PMFBP1: variants seen among roughly 807,000 people sequenced by gnomAD.
The protein encoded by PMFBP1 is polyamine modulated factor 1 binding protein 1.
In PMFBP1, 131 loss-of-function variants were observed where a neutral mutation model predicts 137.8. The ratio of observed to expected loss-of-function variants is 0.95; its 90% CI spans 0.82 to 1.10. The LOEUF is 1.10. Ranked by LOEUF, PMFBP1 falls within the 50% of genes least tolerant of loss-of-function variation. The pLI is 0.00. For synonymous variants in PMFBP1, 490 were observed against 450.4 expected (o/e 1.09, Z -1.11); for missense variants, 1,199 against 1,175.4 (o/e 1.02, Z -0.29).
At chr16:72,215,663 G>A in the PMFBP1 span, among the ~76,000 whole-genome samples, 4 of 152,186 alleles carry the variant, frequency 2.6e-5, no homozygotes, top group Non-Finnish European at 4.4e-5. Flanking sequence ...GAGGACACAG[G>A]AGGCAACAGT....
chr16:72,172,623 T>C (rs1351704544), upstream of PMFBP1, among the ~76,000 whole-genome samples: 1 of 151,822 alleles, frequency 6.6e-6, no homozygotes, highest in Non-Finnish European at 1.5e-5. Context: ...TATAGGCATA[T>C]GTCAGAGAGA....
At chr16:72,237,780 G>A in the PMFBP1 span, among the ~76,000 whole-genome samples, 18 of 152,048 alleles carry the variant, frequency 1.2e-4, no homozygotes, top group African/African-American at 4.1e-4. Context: ...TATTTTTCCT[G>A]ATCCTCTCCC....
chr16:72,225,154 T>C, the PMFBP1 span: 3 of 152,170 alleles, frequency 2.0e-5, no homozygotes, highest in Non-Finnish European at 4.4e-5. Context: ...TACATCAGCA[T>C]TCCTCAAAGA....
chr16:72,175,273 C>T (rs765139804), upstream of PMFBP1, among the ~76,000 whole-genome samples: 2 of 152,352 alleles, frequency 1.3e-5, no homozygotes, highest in Middle Eastern at 3.4e-3. Context: ...TTACCCTATT[C>T]CTCCTCTTTC....
At chr16:72,230,832 G>C in the PMFBP1 span, among the ~76,000 whole-genome samples, 15 of 152,130 alleles carry the variant, frequency 9.9e-5, no homozygotes, top group Non-Finnish European at 2.9e-5. Context: ...TGGTCTCCCT[G>C]ATTCTGGTCT....
At chr16:72,118,116 T>C (rs912518495), downstream of PMFBP1, among the ~76,000 whole-genome samples, 1 of 152,210 alleles carries the variant, frequency 6.6e-6, no homozygotes, top group Non-Finnish European at 1.5e-5. Flanking sequence ...TTTTGGTAAA[T>C]TATAGAGATA....
intron 7 of PMFBP1, among the ~76,000 whole-genome samples, chr16:72,137,657 C>G (rs2042653204): frequency 6.6e-6 from 1 of 152,100 alleles, no homozygotes; most frequent in Admixed American, 6.6e-5. Flanking sequence ...AGGTGAGGAG[C>G]TGGGTGGTCA....
chr16:72,132,601 G>C, intron 10 of PMFBP1, 147 bp downstream of exon 10: 1 of 1,296,500 alleles, frequency 7.7e-7, no homozygotes, highest in Non-Finnish European at 1.1e-6. Context: ...CTGCTGTGAG[G>C]TATAGGATGA....
chr16:72,240,160 G>A, the PMFBP1 span, among the ~76,000 whole-genome samples: 1 of 152,148 alleles, frequency 6.6e-6, no homozygotes, highest in Non-Finnish European at 1.5e-5. Flanking sequence ...GGTCATATCA[G>A]GTAGACTGTG....
chr16:72,118,153 G>T (rs1043166812), downstream of PMFBP1, among the ~76,000 whole-genome samples: 1 of 152,164 alleles, frequency 6.6e-6, no homozygotes, highest in Non-Finnish European at 1.5e-5. Flanking sequence ...GACTAGGCTG[G>T]GGATTTTAAT....
At chr16:72,155,024 C>CGT (rs148295486) in intron 3 of PMFBP1, among the ~76,000 whole-genome samples, 43 of 151,318 alleles carry the variant, frequency 2.8e-4, no homozygotes, top group East Asian at 1.4e-3. Flanking sequence ...ACTCTGTGTG[C>CGT]GTGTGTGTGT....
intron 19 of PMFBP1, among the ~76,000 whole-genome samples, chr16:72,121,109 G>C (rs1188737497): frequency 1.3e-5 from 2 of 152,210 alleles, no homozygotes; most frequent in Non-Finnish European, 2.9e-5. Flanking sequence ...CTGTTACCTT[G>C]AGAATCTGAC....
the PMFBP1 span, among the ~76,000 whole-genome samples, chr16:72,237,037 G>C: frequency 6.6e-6 from 1 of 152,128 alleles, no homozygotes; most frequent in Non-Finnish European, 1.5e-5. Context: ...GACTCCTCTT[G>C]ATCCAGATTT....
chr16:72,208,885 T>C, the PMFBP1 span, among the ~76,000 whole-genome samples: 2 of 152,370 alleles, frequency 1.3e-5, no homozygotes, highest in South Asian at 4.1e-4. Flanking sequence ...CAGTGACATG[T>C]CCTTGCATTG....
At chr16:72,232,630 TA>T in the PMFBP1 span, among the ~76,000 whole-genome samples, 3 of 152,104 alleles carry the variant, frequency 2.0e-5, no homozygotes, top group Admixed American at 6.6e-5. Context: ...AATGGTGAAA[TA>T]ATGGTTAGTA....
upstream of PMFBP1, chr16:72,173,853 TC>T (rs2043242397): frequency 6.6e-6 from 1 of 152,236 alleles, no homozygotes; most frequent in Non-Finnish European, 1.5e-5. Flanking sequence ...CTCTACCAGA[TC>T]CCCGGCTACT....
intron 2 of PMFBP1, among the ~76,000 whole-genome samples, chr16:72,167,188 T>C (rs149685391): frequency 2.6e-5 from 4 of 152,210 alleles, no homozygotes; most frequent in African/African-American, 9.6e-5. Flanking sequence ...AGGACAACGG[T>C]GAGAATTGGA....
rs1361937412 is a variant in PMFBP1 at position 72,140,556 on chromosome 16, T to G, written c.663A>C (p.Ser221=). The part of the protein sequence containing the change: ...GQEPENKGDH[S]KVRIYTSPCM... ...AAGGAGAAGTGTATATCCGTACCTT[T>G]GAATGATCACCCTTGTTCTCAGGCT... is the stretch of plus-strand genomic sequence containing the variant. The change falls in exon 6 of 21, where the codon TCA becomes TCC. Residue 221 remains serine (S), a synonymous_variant. Transcript: ENST00000237353. The G allele has an allele frequency of 6.2e-7, 1 of 1,613,934 alleles. No individual in the cohort carries two copies.
chr16:72,144,845 T>C (rs950239066), intron 5 of PMFBP1, among the ~76,000 whole-genome samples: 3 of 152,156 alleles, frequency 2.0e-5, no homozygotes, highest in African/African-American at 7.2e-5. Context: ...CCTAAATATA[T>C]ATGCACCCAA....
Sources: gnomAD v4.1 joint callset for allele counts (sites outside exome capture counted in the v4.1 genomes callset) on GRCh38, gnomAD v4.1.1 for gene constraint, MANE v1.5 for transcripts, NCBI Gene and HGNC (gene_info 2026-07-23, HGNC 2026-07-21) for gene names.